The following PCDHA3 variants were observed in gnomAD, a reference collection of about 807,000 sequenced individuals.
PCDHA3 encodes protocadherin alpha 3, also known as protocadherin alpha-3.
A neutral mutation model predicts 62.2 loss-of-function variants in PCDHA3; 41 were observed. The observed-to-expected ratio is 0.66, with a 90% CI of 0.51 to 0.86. The LOEUF is 0.86. Ranked by LOEUF, PCDHA3 falls within the 40% of genes least tolerant of loss-of-function variation. The pLI, the probability that PCDHA3 is intolerant of heterozygous loss-of-function variation, is 0.00. For synonymous variants in PCDHA3, 640 were observed against 555.4 expected (o/e 1.15, Z -2.14); for missense variants, 1,304 against 1,241.2 (o/e 1.05, Z -0.76).
chr5:140,975,207 G>A (rs2096658071), intron 1 of PCDHA3, among the ~76,000 whole-genome samples: 1 of 152,180 alleles, frequency 6.6e-6, no homozygotes. Flanking sequence ...CTTCATGGCT[G>A]GCACTGGAGA....
intron 1 of PCDHA3, among the ~76,000 whole-genome samples, chr5:140,840,696 C>T (rs2150308917): frequency 6.6e-6 from 1 of 152,100 alleles, no homozygotes; most frequent in Admixed American, 6.5e-5. Flanking sequence ...TAAAACGGTT[C>T]AGGCAATTTG....
At chr5:140,887,029 T>C (rs1308343052) in intron 1 of PCDHA3, among the ~76,000 whole-genome samples, 1 of 152,140 alleles carries the variant, frequency 6.6e-6, no homozygotes, top group Non-Finnish European at 1.5e-5. Flanking sequence ...AAAAATTTCT[T>C]TAATATTTTT....
At chr5:140,921,781 G>C (rs1393443819) in intron 1 of PCDHA3, among the ~76,000 whole-genome samples, 1 of 151,986 alleles carries the variant, frequency 6.6e-6, no homozygotes, top group Non-Finnish European at 1.5e-5. Context: ...TACTGACTTG[G>C]ATGTTCTAGA....
intron 1 of PCDHA3, among the ~76,000 whole-genome samples, chr5:140,969,881 G>C (rs1554232131): frequency 6.6e-6 from 1 of 152,196 alleles, no homozygotes; most frequent in African/African-American, 2.4e-5. Flanking sequence ...CTATGTGATA[G>C]GATCCTCTGG....
intron 1 of PCDHA3, among the ~76,000 whole-genome samples, chr5:140,977,103 G>A (rs1159604551): frequency 6.6e-6 from 1 of 152,230 alleles, no homozygotes; most frequent in Non-Finnish European, 1.5e-5. Context: ...TTGGGGAAGT[G>A]AGATTGTATA....
chr5:140,822,414 A>T, intron 1 of PCDHA3: 2 of 1,614,090 alleles, frequency 1.2e-6, no homozygotes, highest in Non-Finnish European at 1.7e-6. Flanking sequence ...TAGTGATTGC[A>T]ACTGATGGAG....
intron 1 of PCDHA3, among the ~76,000 whole-genome samples, chr5:140,837,367 G>T (rs1006213707): frequency 1.1e-4 from 16 of 151,860 alleles, no homozygotes; most frequent in Non-Finnish European, 4.4e-5. Context: ...CAGTTTAATA[G>T]TATTTTTTAT....
chr5:140,875,809 C>T, intron 1 of PCDHA3: 1 of 1,614,146 alleles, frequency 6.2e-7, no homozygotes, highest in Non-Finnish European at 8.5e-7. Flanking sequence ...CGTGGACAGG[C>T]CGCTGCAGGT....
At chr5:140,816,460 T>C (rs1765910605) in intron 1 of PCDHA3, 1 of 152,214 alleles carries the variant, frequency 6.6e-6, no homozygotes, top group Non-Finnish European at 1.5e-5. Flanking sequence ...CTTTGTCAAG[T>C]AATTCACATA....
intron 1 of PCDHA3, among the ~76,000 whole-genome samples, chr5:140,885,674 C>A (rs1041500524): frequency 2.1e-4 from 32 of 152,192 alleles, no homozygotes; most frequent in African/African-American, 7.0e-4. Flanking sequence ...AGCACTCTTT[C>A]TATCTCAAGA....
chr5:140,968,114 A>G, intron 1 of PCDHA3: 1 of 1,614,164 alleles, frequency 6.2e-7, no homozygotes, highest in Non-Finnish European at 8.5e-7. Context: ...ACCGCAGCTC[A>G]CATCCCTGCG....
chr5:140,864,688 C>G (rs1324668554), intron 1 of PCDHA3: 2 of 152,164 alleles, frequency 1.3e-5, no homozygotes, highest in Admixed American at 1.3e-4. Context: ...CTGCTGTCCT[C>G]CAGTTTAAGT....
At chr5:140,990,029 A>G (rs1343846819) in intron 3 of PCDHA3, among the ~76,000 whole-genome samples, 1 of 152,146 alleles carries the variant, frequency 6.6e-6, no homozygotes, top group African/African-American at 2.4e-5. Context: ...AAAGGATGGG[A>G]GAAGTCAGTC....
chr5:140,804,291 T>C (rs1278574440), intron 1 of PCDHA3: 4 of 152,150 alleles, frequency 2.6e-5, no homozygotes, highest in Non-Finnish European at 4.4e-5. Flanking sequence ...TTGTTCATCT[T>C]TAGTTTATCA....
intron 1 of PCDHA3, among the ~76,000 whole-genome samples, chr5:140,914,110 A>G (rs889499995): frequency 6.6e-6 from 1 of 152,168 alleles, no homozygotes; most frequent in Non-Finnish European, 1.5e-5. Flanking sequence ...GTGCAGATTA[A>G]GTCTGATGTT....
chr5:140,978,717 T>C (rs545119234), intron 1 of PCDHA3, among the ~76,000 whole-genome samples: 1 of 152,390 alleles, frequency 6.6e-6, no homozygotes, highest in East Asian at 1.9e-4. Context: ...TTTACAAGAT[T>C]ATTAAATCTG....
intron 1 of PCDHA3, chr5:140,823,932 G>A (rs782682917): frequency 2.5e-6 from 4 of 1,613,862 alleles, no homozygotes; most frequent in South Asian, 2.2e-5. Flanking sequence ...TGTACACCGC[G>A]CTGCGGTGCT....
chr5:140,901,642 C>T lies in PCDHA3; in HGVS notation c.2395-77307C>T, dbSNP rs369623028. Among the ~76,000 whole-genome samples, 37 of 152,054 alleles carry T rather than the reference C, an allele frequency of 2.4e-4. No individual in the cohort carries two copies. In the East Asian group the frequency reaches 3.3e-3, roughly 13 times the overall value. On this transcript the variant is annotated intron_variant, in intron 1 of 3. Transcript: ENST00000522353. ...TTGAAGTCAGGTAATGTGATTCTTC[C>T]GGTTTTGTTCTTTTTGCTCAAGATA...
rs2150489798 is a variant in PCDHA3, at chr5:140,850,571, G to T, written c.2394+46980G>T. 5 of 1,598,430 alleles carry T rather than the reference G, an allele frequency of 3.1e-6. No individual in the cohort carries two copies. In the East Asian group the frequency reaches 1.1e-4, roughly 36 times the overall value. ...TGGGTGCCACGGGCCCCGAGGTGAC[G>T]CTGGTGGATGTCAACGTGTACCTGA... On this transcript the variant is annotated intron_variant, in intron 1 of 3. Coordinates refer to ENST00000522353, the MANE Select transcript of PCDHA3 (RefSeq NM_018906.3).
Sources: allele counts gnomAD v4.1 joint callset (sites outside exome capture counted in the v4.1 genomes callset), GRCh38; gene constraint gnomAD v4.1.1; transcripts MANE v1.5; gene names NCBI Gene and HGNC (gene_info 2026-07-23, HGNC 2026-07-21).